The following SLC24A2 variants were observed in gnomAD, a reference collection of about 807,000 sequenced individuals.
The protein encoded by SLC24A2 is solute carrier family 24 member 2, also known as sodium/potassium/calcium exchanger 2.
In SLC24A2, 36 loss-of-function variants were observed where a neutral mutation model predicts 62.0. The observed-to-expected ratio is 0.58, with a 90% CI of 0.44 to 0.77. SLC24A2 has a LOEUF of 0.77. SLC24A2 is among the 30% of genes least tolerant of loss of function. SLC24A2 has a pLI of 0.00. For missense variants in SLC24A2, 846 were observed against 817.9 expected (o/e 1.03, Z -0.42); for synonymous variants, 358 against 294.0 (o/e 1.22, Z -2.23).
chr9:20,266,007 T>C, the SLC24A2 span, among the ~76,000 whole-genome samples: 1 of 152,180 alleles, frequency 6.6e-6, no homozygotes, highest in Non-Finnish European at 1.5e-5. Flanking sequence ...GTCAGACCAG[T>C]TGTCTGCTCT....
intron 7 of SLC24A2, among the ~76,000 whole-genome samples, chr9:19,565,262 C>T (rs954512852): frequency 1.3e-5 from 2 of 151,300 alleles, no homozygotes; most frequent in African/African-American, 4.9e-5. Context: ...GCAACTTCAG[C>T]AAAGTCTCAG....
chr9:19,744,133 T>C (rs1000641175), intron 2 of SLC24A2, among the ~76,000 whole-genome samples: 3 of 152,126 alleles, frequency 2.0e-5, no homozygotes, highest in African/African-American at 7.2e-5. Context: ...AAACTTTCTC[T>C]TATTTTCCCT....
At chr9:20,234,315 A>C in the SLC24A2 span, among the ~76,000 whole-genome samples, 2 of 152,200 alleles carry the variant, frequency 1.3e-5, no homozygotes, top group Non-Finnish European at 2.9e-5. Flanking sequence ...AATATCCTGC[A>C]GAGTGTTTTC....
the SLC24A2 span, among the ~76,000 whole-genome samples, chr9:20,102,837 C>A: frequency 6.6e-6 from 1 of 152,100 alleles, no homozygotes; most frequent in Non-Finnish European, 1.5e-5. Context: ...GAGTGCCAGA[C>A]AGTGGGCGCA....
chr9:19,908,357 T>G, the SLC24A2 span, among the ~76,000 whole-genome samples: 6,490 of 152,126 alleles, frequency 0.043, 451 homozygotes, highest in African/African-American at 0.15. Context: ...AAGACTTAAA[T>G]GTTAGACCTA....
the SLC24A2 span, among the ~76,000 whole-genome samples, chr9:20,287,442 C>G: frequency 6.6e-6 from 1 of 152,184 alleles, no homozygotes; most frequent in Admixed American, 6.5e-5. Context: ...ATCAACTCCC[C>G]TGGGGTGAGG....
chr9:20,002,723 T>C, the SLC24A2 span, among the ~76,000 whole-genome samples: 1 of 152,230 alleles, frequency 6.6e-6, no homozygotes, highest in African/African-American at 2.4e-5. Flanking sequence ...CAGAAGTTTC[T>C]GGTTTGTCTT....
At chr9:20,062,173 G>T in the SLC24A2 span, among the ~76,000 whole-genome samples, 821 of 152,286 alleles carry the variant, frequency 5.4e-3, 5 homozygotes, top group Middle Eastern at 0.024. Flanking sequence ...AGGTAGCAGT[G>T]AGCTATGATT....
the SLC24A2 span, among the ~76,000 whole-genome samples, chr9:19,968,833 G>A: frequency 4.6e-5 from 7 of 152,282 alleles, no homozygotes; most frequent in East Asian, 1.2e-3. Flanking sequence ...ATGAGTTTCT[G>A]CAGCAAGGAA....
At chr9:19,928,971 A>G in the SLC24A2 span, 1 of 152,052 alleles carries the variant, frequency 6.6e-6, no homozygotes, top group Non-Finnish European at 1.5e-5. Flanking sequence ...CTGAGCTTTC[A>G]CCCTTCCCTA....
At chr9:19,616,087 CTG>C (rs1343732736) in intron 4 of SLC24A2, among the ~76,000 whole-genome samples, 2 of 151,328 alleles carry the variant, frequency 1.3e-5, no homozygotes, top group Admixed American at 6.6e-5. Flanking sequence ...AAACTGGAAA[CTG>C]TGGTTTCCTC....
At chr9:19,795,026 A>G in the SLC24A2 span, among the ~76,000 whole-genome samples, 1 of 152,238 alleles carries the variant, frequency 6.6e-6, no homozygotes, top group South Asian at 2.1e-4. Context: ...AGGACAAGCC[A>G]GAAGGAAGGT....
chr9:19,732,027 C>A (rs1003277950), intron 2 of SLC24A2, among the ~76,000 whole-genome samples: 2 of 152,134 alleles, frequency 1.3e-5, no homozygotes, highest in African/African-American at 4.8e-5. Flanking sequence ...ATTGGGTTGG[C>A]ACATGGCAGG....
At chr9:19,526,589 C>G (rs1247107357) in intron 9 of SLC24A2, among the ~76,000 whole-genome samples, 3 of 152,126 alleles carry the variant, frequency 2.0e-5, no homozygotes, top group Non-Finnish European at 2.9e-5. Flanking sequence ...ATTTACACTT[C>G]TTTAATTAAT....
At chr9:19,788,135 G>A (rs1251317090) in intron 1 of SLC24A2, among the ~76,000 whole-genome samples, 1 of 152,194 alleles carries the variant, frequency 6.6e-6, no homozygotes, top group East Asian at 1.9e-4. Context: ...CTTAAATACT[G>A]AGATTAGCTG....
the SLC24A2 span, among the ~76,000 whole-genome samples, chr9:19,847,915 T>G: frequency 5.9e-5 from 9 of 152,218 alleles, no homozygotes; most frequent in Non-Finnish European, 1.2e-4. Flanking sequence ...TATGTTTGGA[T>G]AGACAAGGCT....
At chr9:20,232,820 G>A in the SLC24A2 span, among the ~76,000 whole-genome samples, 1 of 151,850 alleles carries the variant, frequency 6.6e-6, no homozygotes, top group African/African-American at 2.4e-5. Context: ...GTGATGTTAG[G>A]GTGTCAATTT....
At chr9:20,156,596 C>G in the SLC24A2 span, among the ~76,000 whole-genome samples, 1 of 151,720 alleles carries the variant, frequency 6.6e-6, no homozygotes, top group Non-Finnish European at 1.5e-5. Context: ...ACATATGTTG[C>G]TAAACTCTCT....
chr9:20,007,736 T>C, the SLC24A2 span, among the ~76,000 whole-genome samples: 2 of 152,018 alleles, frequency 1.3e-5, no homozygotes, highest in Admixed American at 1.3e-4. Flanking sequence ...AAAATAGAAT[T>C]AGTTCAGCAC....
Sources: allele counts gnomAD v4.1 joint callset (sites outside exome capture counted in the v4.1 genomes callset), GRCh38; gene constraint gnomAD v4.1.1; transcripts MANE v1.5; gene names NCBI Gene and HGNC (gene_info 2026-07-23, HGNC 2026-07-21).